Variants in ZCCHC14 observed in about 807,000 individuals in gnomAD.
ZCCHC14 encodes the protein zinc finger CCHC domain-containing protein 14.
ZCCHC14 carries 16 observed loss-of-function variants against 85.0 expected under a neutral mutation model. The observed-to-expected ratio is 0.19, with a 90% CI of 0.13 to 0.29. ZCCHC14 has a LOEUF of 0.29. Ranked by LOEUF, ZCCHC14 falls within the 10% of genes least tolerant of loss-of-function variation. The probability of loss-of-function intolerance (pLI) is 1.00; values close to 1 mark genes in which losing one functional copy is unlikely to be tolerated. For missense variants in ZCCHC14, 1,303 were observed against 1,443.5 expected (o/e 0.90, Z 1.58); for synonymous variants, 775 against 630.7 (o/e 1.23, Z -3.43).
At chr16:87,424,707 C>T (rs1909280682) in intron 3 of ZCCHC14, among the ~76,000 whole-genome samples, 2 of 152,144 alleles carry the variant, frequency 1.3e-5, no homozygotes, top group East Asian at 3.9e-4. Flanking sequence ...GTACTTTTTG[C>T]ACATTAGAGG....
rs369977372 is a variant in ZCCHC14, at chr16:87,412,734, G to A, written c.1987C>T (p.Leu663Phe). The part of the protein sequence containing the change: ...PERGSADMKL[L>F]SSSVHSLLSL... ...AAAAGTGAGTGCACAGAAGACGAGA[G>A]GAGCTTCATGTCCGCGCTCCCTCTT... The change falls in exon 12 of 13, where the codon CTC (leucine) becomes TTC (phenylalanine). Residue 663 changes from leucine (L) to phenylalanine (F), a missense_variant. By Grantham distance (22) the Leu-to-Phe change is conservative. Around this residue, in one of 7 missense-constraint regions of ZCCHC14, gnomAD observed 797 missense variants for 730.8 expected, o/e 1.09. Transcript: ENST00000671377. 8 of 1,614,110 alleles carry A rather than the reference G, an allele frequency of 5.0e-6. No homozygotes were observed. In the African/African-American group the frequency reaches 1.1e-4, roughly 22 times the overall value.
intron 7 of ZCCHC14, 101 bp from the exon 8 acceptor site, chr16:87,417,843 C>G: frequency 7.2e-7 from 1 of 1,391,682 alleles, no homozygotes; most frequent in Non-Finnish European, 9.5e-7. Flanking sequence ...CCAGCCTCTG[C>G]CTCTTGGCCG....
chr16:87,415,440 G>T, intron 8 of ZCCHC14, 73 bp from the exon 9 acceptor site: 3 of 1,301,536 alleles, frequency 2.3e-6, no homozygotes, highest in East Asian at 2.3e-5. Flanking sequence ...ACTTGGAGTT[G>T]AATTCAGTAC....
chr16:87,452,898 A>G (rs1288694329), intron 2 of ZCCHC14, among the ~76,000 whole-genome samples: 1 of 152,212 alleles, frequency 6.6e-6, no homozygotes, highest in African/African-American at 2.4e-5. Context: ...GTGACGTGAC[A>G]GGGAGGAGGG....
intron 1 of ZCCHC14, among the ~76,000 whole-genome samples, chr16:87,466,452 G>C (rs1911524063): frequency 6.6e-6 from 1 of 152,146 alleles, no homozygotes; most frequent in South Asian, 2.1e-4. Context: ...TTTAGAGCAG[G>C]GTTTTAACCT....
chr16:87,483,783 C>T (rs1015875500), intron 1 of ZCCHC14, among the ~76,000 whole-genome samples: 9 of 152,192 alleles, frequency 5.9e-5, no homozygotes, highest in African/African-American at 2.2e-4. Flanking sequence ...ATTACAAAAG[C>T]ACAGACCATT....
At chr16:87,414,895 A>G (rs1460929744) in intron 9 of ZCCHC14, among the ~76,000 whole-genome samples, 1 of 152,206 alleles carries the variant, frequency 6.6e-6, no homozygotes, top group African/African-American at 2.4e-5. Flanking sequence ...AGCTTGGCCA[A>G]TATGGTAAAA....
At chr16:87,448,622 GT>G (rs1375380836) in intron 2 of ZCCHC14, among the ~76,000 whole-genome samples, 2 of 152,174 alleles carry the variant, frequency 1.3e-5, no homozygotes, top group Non-Finnish European at 2.9e-5. Context: ...ACTACTGAAT[GT>G]TTTGCTCTGG....
intron 1 of ZCCHC14, chr16:87,467,288 T>A: frequency 6.3e-7 from 1 of 1,579,396 alleles, no homozygotes; most frequent in Non-Finnish European, 8.7e-7. Context: ...AGATCTGGTT[T>A]TTATCAAGCC....
intron 1 of ZCCHC14, among the ~76,000 whole-genome samples, chr16:87,482,990 T>A (rs1157972416): frequency 6.6e-6 from 1 of 151,906 alleles, no homozygotes; most frequent in African/African-American, 2.4e-5. Flanking sequence ...ACATTATGCA[T>A]TATGACACAA....
Position 87,407,949 on chromosome 16 carries a change from C to T in ZCCHC14, c.*2331G>A, listed in dbSNP as rs954449884. The stretch of plus-strand genomic sequence containing the variant: ...CTGTGTAGCTCCTACTTACAGCTGA[C>T]GATTCTCGACTTCGGACGGCCTCCC... On this transcript the variant is annotated 3_prime_UTR_variant, in exon 13 of 13. Transcript: ENST00000671377. 6.5e-5 allele frequency: 10 copies of T among 152,810 alleles called. No homozygotes were observed. Among genetic ancestry groups the T allele is most frequent in the Middle Eastern group, 3.4e-3 (1 of 296 alleles). 9.5% of individuals were successfully genotyped at this position (152,810 alleles called of 1,614,324 possible). A position where few individuals can be genotyped will look rare whatever the true frequency, so the allele number is the denominator to read the frequency against.
Position 87,492,519 on chromosome 16 carries a change from G to A in ZCCHC14, c.-281C>T, listed in dbSNP as rs1336260546. The A allele has an allele frequency of 6.9e-6, 1 of 145,496 alleles. No individual in the cohort carries two copies. Among genetic ancestry groups the A allele is most frequent in the East Asian group, 2.0e-4 (1 of 4,972 alleles). The allele number at this position is 145,496 out of a possible 1,614,324, so 9.0% of individuals were successfully genotyped here. On this transcript the variant is annotated 5_prime_UTR_variant, in exon 1 of 13. Coordinates refer to ENST00000671377, the MANE Select transcript of ZCCHC14 (RefSeq NM_015144.3). This position sits in a 1 kb window ranked among gnomAD's most constrained non-coding sequence, Gnocchi z 6.7. ...GGCCGGGGGCGGCGAGCGGCCTCGGGCCCCCCGCTCACGGGGAGGCGCCTT... is the reference window on the plus strand; with the variant it reads ...GGCCGGGGGCGGCGAGCGGCCTCGGACCCCCCGCTCACGGGGAGGCGCCTT...
At chr16:87,445,928 T>C (rs1910413939) in intron 2 of ZCCHC14, among the ~76,000 whole-genome samples, 1 of 152,162 alleles carries the variant, frequency 6.6e-6, no homozygotes, top group Non-Finnish European at 1.5e-5. Context: ...TTTTTCTAGG[T>C]CCTATCATCT....
At chr16:87,460,223 T>C (rs555996006) in intron 1 of ZCCHC14, 92 bp from the exon 2 acceptor site, 6 of 1,484,124 alleles carry the variant, frequency 4.0e-6, no homozygotes, top group Admixed American at 4.3e-5. Context: ...ATAATTACCT[T>C]GGTTTCCATT....
At chr16:87,427,980 T>C (rs1214472506) in intron 3 of ZCCHC14, among the ~76,000 whole-genome samples, 1 of 151,730 alleles carries the variant, frequency 6.6e-6, no homozygotes, top group Non-Finnish European at 1.5e-5. Flanking sequence ...TCTCACTGTG[T>C]TGCCCAGGCT....
chr16:87,456,689 C>G (rs1350269229), intron 2 of ZCCHC14, among the ~76,000 whole-genome samples: 1 of 151,880 alleles, frequency 6.6e-6, no homozygotes, highest in East Asian at 1.9e-4. Context: ...AAACACAAAC[C>G]CCAGGGGCAC....
rs1908847708 is a variant in ZCCHC14 at position 87,417,475 on chromosome 16, C to T, written c.1368G>A (p.Gln456=). 1.9e-6 allele frequency: 3 copies of T among 1,613,970 alleles called. No individual in the cohort carries two copies. The East Asian group carries it at 6.7e-5, about 36-fold the overall frequency. Residue 456 remains glutamine (Q), a synonymous_variant, in exon 8 of 13, where the codon CAG becomes CAA. Transcript: ENST00000671377. ...ACCGACATACCTTCTCCATGGAGAG[C>T]TGCTTAAAGACGGGGTAATACTTGT... ...RLHKYYPVFK[Q]LSMEKFLSLT...
At chr16:87,415,049 T>G (rs906489017) in intron 9 of ZCCHC14, among the ~76,000 whole-genome samples, 2 of 152,128 alleles carry the variant, frequency 1.3e-5, no homozygotes, top group Non-Finnish European at 2.9e-5. Flanking sequence ...ACCACTGCAC[T>G]CCAGCCTGGG....
At chr16:87,411,015 T>C (rs1908405229) in intron 12 of ZCCHC14, among the ~76,000 whole-genome samples, 1 of 152,026 alleles carries the variant, frequency 6.6e-6, no homozygotes, top group Admixed American at 6.5e-5. Context: ...GGGATTTGAC[T>C]AAAGGAGACA....
Sources: allele counts gnomAD v4.1 joint callset (sites outside exome capture counted in the v4.1 genomes callset), GRCh38; gene constraint gnomAD v4.1.1; regional missense constraint gnomAD v4.1.1; non-coding constraint Gnocchi (gnomAD v3.1); transcripts MANE v1.5; gene names NCBI Gene and HGNC (gene_info 2026-07-23, HGNC 2026-07-21).